MNAT1: variants seen among roughly 807,000 people sequenced by gnomAD.
The protein encoded by MNAT1 is CDK-activating kinase assembly factor MAT1.
MNAT1 carries 43 observed loss-of-function variants against 42.0 expected under a neutral mutation model. The observed-to-expected ratio is 1.02, with a 90% CI of 0.80 to 1.32. The LOEUF is 1.32. MNAT1 is among the 40% of genes most tolerant of loss of function. The pLI, the probability that MNAT1 is intolerant of heterozygous loss-of-function variation, is 0.00. For synonymous variants in MNAT1, 118 were observed against 120.0 expected (o/e 0.98, Z 0.11); for missense variants, 306 against 350.4 (o/e 0.87, Z 1.01).
At position 60,812,062 on chromosome 14, in the gene MNAT1, C is replaced by A; in HGVS notation, c.496C>A (p.Gln166Lys). The change falls in exon 5 of 8, where the codon CAA (glutamine) becomes AAA (lysine). Residue 166 changes from glutamine to lysine, a missense_variant. Physicochemically the swap from Gln to Lys is moderately conservative, Grantham distance 53. Around this residue, in one of 3 missense-constraint regions of MNAT1, gnomAD observed 118 missense variants for 99.8 expected, o/e 1.18. Transcript: ENST00000261245. ...AAATGAACAAAGAAGATTATTTATA[C>A]AAAAAGAAGAACAACTGCAGCAGAT... is the stretch of plus-strand genomic sequence containing the variant. ...QENEQRRLFI[Q>K]KEEQLQQILK... The A allele has an allele frequency of 6.2e-7, 1 of 1,604,248 alleles. No homozygotes were observed. The highest frequency in any genetic ancestry group is 8.5e-7 in the Non-Finnish European group (1 of 1,176,508).
At position 60,818,074 on chromosome 14, in the gene MNAT1, G is replaced by A. The variant is rs549789879; in HGVS notation, c.562-648G>A. 2.0e-5 allele frequency among the ~76,000 whole-genome samples: 3 copies of A among 152,064 alleles called. No individual in the cohort carries two copies. In the South Asian group the frequency reaches 6.2e-4, roughly 32 times the overall value. ...CTTTAAAGATGTAAGAGGACTTCTT[G>A]TTAAACAGAATAAATAACAGTCTAC... is the stretch of plus-strand genomic sequence containing the variant. On this transcript the variant is annotated intron_variant, in intron 5 of 7. Coordinates refer to ENST00000261245, the MANE Select transcript of MNAT1 (RefSeq NM_002431.4).
intron 6 of MNAT1, among the ~76,000 whole-genome samples, chr14:60,843,411 C>T (rs1434546537): frequency 6.6e-6 from 1 of 152,128 alleles, no homozygotes; most frequent in Non-Finnish European, 1.5e-5. Context: ...GCTGGGATTA[C>T]AGGCACCCAC....
chr14:60,821,631 C>G (rs190145627), intron 6 of MNAT1, among the ~76,000 whole-genome samples: 1 of 152,244 alleles, frequency 6.6e-6, no homozygotes, highest in Admixed American at 6.5e-5. Flanking sequence ...CATGAACCCT[C>G]TTTTGTGTGG....
intron 6 of MNAT1, among the ~76,000 whole-genome samples, chr14:60,865,925 G>T (rs897624810): frequency 6.6e-6 from 1 of 152,096 alleles, no homozygotes; most frequent in East Asian, 1.9e-4. Context: ...CACTGGGAAC[G>T]CTCTTTCTTC....
intron 6 of MNAT1, among the ~76,000 whole-genome samples, chr14:60,851,524 A>G (rs1216907512): frequency 2.6e-5 from 4 of 151,966 alleles, no homozygotes; most frequent in Admixed American, 2.6e-4. Flanking sequence ...CAACTTTTAA[A>G]TTATTATTAT....
intron 7 of MNAT1, among the ~76,000 whole-genome samples, chr14:60,962,310 GGC>G (rs1171363912): frequency 1.3e-5 from 2 of 152,040 alleles, no homozygotes; most frequent in African/African-American, 2.4e-5. Flanking sequence ...AATATCTTTT[GGC>G]CTATTAGCTA....
intron 7 of MNAT1, among the ~76,000 whole-genome samples, chr14:60,911,974 C>G (rs1176435682): frequency 6.6e-6 from 1 of 152,080 alleles, no homozygotes; most frequent in Admixed American, 6.5e-5. Context: ...TTCTAGGTCT[C>G]TAAGGACTTG....
chr14:60,750,312 C>A (rs568081000), intron 1 of MNAT1, among the ~76,000 whole-genome samples: 2 of 151,168 alleles, frequency 1.3e-5, no homozygotes, highest in Non-Finnish European at 2.9e-5. Flanking sequence ...CTGCAAGCTT[C>A]GCCTCCTGGG....
chr14:60,906,048 T>C (rs1233178509), intron 7 of MNAT1, among the ~76,000 whole-genome samples: 2 of 152,174 alleles, frequency 1.3e-5, no homozygotes, highest in Non-Finnish European at 2.9e-5. Context: ...TGAAATCTTT[T>C]GTAAGATGGT....
At chr14:60,901,521 T>G (rs2035072301) in intron 7 of MNAT1, among the ~76,000 whole-genome samples, 1 of 152,222 alleles carries the variant, frequency 6.6e-6, no homozygotes, top group Non-Finnish European at 1.5e-5. Context: ...CTCTGATGGA[T>G]CTGGATGAAA....
At chr14:60,779,218 G>C (rs1422685869) in intron 1 of MNAT1, among the ~76,000 whole-genome samples, 3 of 152,190 alleles carry the variant, frequency 2.0e-5, no homozygotes, top group Admixed American at 2.0e-4. Context: ...ATGTCTCATG[G>C]TGTTCCTAAG....
At chr14:60,908,518 T>C (rs1464429157) in intron 7 of MNAT1, among the ~76,000 whole-genome samples, 1 of 146,780 alleles carries the variant, frequency 6.8e-6, no homozygotes, top group Non-Finnish European at 1.5e-5. Context: ...TTCCCCTTCC[T>C]GTGTCCATGT....
At chr14:60,800,288 C>T (rs2032160674) in intron 3 of MNAT1, among the ~76,000 whole-genome samples, 1 of 152,154 alleles carries the variant, frequency 6.6e-6, no homozygotes, top group African/African-American at 2.4e-5. Flanking sequence ...GTGACTCGCG[C>T]CTGTAATCAC....
chr14:60,821,957 TA>T (rs1213625247), intron 6 of MNAT1, among the ~76,000 whole-genome samples: 1 of 152,166 alleles, frequency 6.6e-6, no homozygotes, highest in Non-Finnish European at 1.5e-5. Context: ...ACAGCCAAAA[TA>T]AAAAAATTGT....
chr14:60,752,385 A>C (rs2030133203), intron 1 of MNAT1, among the ~76,000 whole-genome samples: 1 of 152,110 alleles, frequency 6.6e-6, no homozygotes, highest in Admixed American at 6.5e-5. Context: ...TGTATTTTAA[A>C]ATAGATTTAT....
Position 60,798,067 on chromosome 14 carries a change from T to A in MNAT1, c.243-20T>A. 1 of 1,186,560 alleles carries A rather than the reference T, an allele frequency of 8.4e-7. No homozygotes were observed. The highest frequency in any genetic ancestry group is 1.3e-5 in the South Asian group (1 of 79,576). The allele number at this position is 1,186,560 out of a possible 1,614,324, so 73.5% of individuals were successfully genotyped here. On this transcript the variant is annotated intron_variant, in intron 2 of 7. Coordinates refer to ENST00000261245, the MANE Select transcript of MNAT1 (RefSeq NM_002431.4). ...AGCAATGATATGTAATATGTAGATT[T>A]CTTTTTTCTTTTCTTAAAGATACAA... is the stretch of plus-strand genomic sequence containing the variant.
At chr14:60,959,760 C>T (rs143661267) in intron 7 of MNAT1, among the ~76,000 whole-genome samples, 10 of 152,096 alleles carry the variant, frequency 6.6e-5, no homozygotes, top group African/African-American at 1.2e-4. Flanking sequence ...GTGAAGAAAA[C>T]GAAGGCTGGG....
At chr14:60,918,757 T>TATATATATATATATATATATATATATATA (rs76614015) in intron 7 of MNAT1, among the ~76,000 whole-genome samples, 1 of 144,606 alleles carries the variant, frequency 6.9e-6, no homozygotes, top group African/African-American at 2.5e-5. Context: ...TATATATATA[T>TATATATATATATATATATATATATATATA]TTTTGTCCTT....
chr14:60,838,076 G>T (rs2033442832), intron 6 of MNAT1, among the ~76,000 whole-genome samples: 1 of 152,042 alleles, frequency 6.6e-6, no homozygotes, highest in Non-Finnish European at 1.5e-5. Flanking sequence ...CCTGGCTAGA[G>T]GTTTATCAGT....
Sources: allele counts gnomAD v4.1 joint callset (sites outside exome capture counted in the v4.1 genomes callset), GRCh38; gene constraint gnomAD v4.1.1; regional missense constraint gnomAD v4.1.1; transcripts MANE v1.5; gene names NCBI Gene and HGNC (gene_info 2026-07-23, HGNC 2026-07-21).